OSBPL3: variants seen among roughly 807,000 people sequenced by gnomAD.
OSBPL3 encodes the protein oxysterol-binding protein-related protein 3.
Under a neutral mutation model 120.1 loss-of-function variants are expected in OSBPL3, and 65 were observed. The observed-to-expected ratio is 0.54, with a 90% CI of 0.44 to 0.67. The LOEUF (loss-of-function observed/expected upper bound fraction) is 0.67. Among genes scored for constraint, OSBPL3 ranks in the 30% least tolerant of loss-of-function variants. OSBPL3 has a pLI of 0.00. For synonymous variants in OSBPL3, 416 were observed against 402.6 expected (o/e 1.03, Z -0.40); for missense variants, 1,004 against 1,082.1 (o/e 0.93, Z 1.01).
In OSBPL3 at chr7:24,820,361, T is replaced by C; in HGVS notation, c.1885-123A>G. The C allele has an allele frequency of 3.0e-6, 2 of 672,902 alleles. No individual in the cohort carries two copies. The highest frequency in any genetic ancestry group is 3.5e-5 in the South Asian group (2 of 57,092). The allele number at this position is 672,902 out of a possible 1,614,324, so 41.7% of individuals were successfully genotyped here. A position where few individuals can be genotyped will look rare whatever the true frequency, so the allele number is the denominator to read the frequency against. On this transcript the variant is annotated intron_variant, in intron 16 of 22. Transcript: ENST00000313367. This position sits in a 1 kb window ranked among gnomAD's most constrained non-coding sequence, Gnocchi z 4.6. ...AATGCTGAACTGAAGGAAAAACTTC[T>C]TTAGTTTCCCTCATCAAGTGTGTCC...
intron 19 of OSBPL3, among the ~76,000 whole-genome samples, chr7:24,814,113 T>C (rs1794175957): frequency 6.6e-6 from 1 of 151,460 alleles, no homozygotes; most frequent in Non-Finnish European, 1.5e-5. Context: ...CTGAAGAAAA[T>C]GGGACAGGAT....
chr7:24,840,788 G>A lies in OSBPL3; in HGVS notation c.1402-5C>T, dbSNP rs755862115. 2 of 1,284,350 alleles carry A rather than the reference G, an allele frequency of 1.6e-6. No homozygotes were observed. Among genetic ancestry groups the A allele is most frequent in the South Asian group, 1.3e-5 (1 of 75,104 alleles). 79.6% of individuals were successfully genotyped at this position (1,284,350 alleles called of 1,614,324 possible). The stretch of plus-strand genomic sequence containing the variant: ...ATATGAGTCATCATCAGAAATCTAT[G>A]GGAAAGAAGAAATAACATTCATTAG... On this transcript the variant is annotated splice_region_variant and splice_polypyrimidine_tract_variant and intron_variant, in intron 13 of 22. Coordinates refer to ENST00000313367, the MANE Select transcript of OSBPL3 (RefSeq NM_015550.4).
At chr7:24,927,239 G>A (rs1000706848) in intron 1 of OSBPL3, among the ~76,000 whole-genome samples, 7 of 152,162 alleles carry the variant, frequency 4.6e-5, no homozygotes, top group Non-Finnish European at 8.8e-5. Context: ...TGACAAAAAC[G>A]AAGATATATT....
intron 20 of OSBPL3, among the ~76,000 whole-genome samples, chr7:24,807,496 A>AAATAATAATAAT (rs147177707): frequency 5.3e-5 from 8 of 150,884 alleles, no homozygotes; most frequent in African/African-American, 2.0e-4. Flanking sequence ...TCCATCTCAA[A>AAATAATAATAAT]AATAATAATA....
Position 24,834,608 on chromosome 7 carries a change from T to C in OSBPL3, c.1624A>G (p.Lys542Glu). The C allele has an allele frequency of 1.2e-6, 2 of 1,614,194 alleles. No individual in the cohort carries two copies. Among genetic ancestry groups the C allele is most frequent in the Non-Finnish European group, 8.5e-7 (1 of 1,180,030 alleles). ...TTCAGCTCCACCGGCATGGCCACCT[T>C]GGACAGGTCCTTCCCGATGTTGTTC... is the stretch of plus-strand genomic sequence containing the variant. The part of the protein sequence containing the change: ...LRNNIGKDLS[K>E]VAMPVELNEP... The change falls in exon 15 of 23, where the codon AAG (lysine) becomes GAG (glutamate). Residue 542 changes from lysine (K) to glutamate (E), a missense_variant. Transcript: ENST00000313367. This position sits in a 1 kb window ranked among gnomAD's most constrained non-coding sequence, Gnocchi z 5.2.
chr7:24,856,567 C>T (rs575615417), intron 10 of OSBPL3, among the ~76,000 whole-genome samples: 3 of 152,254 alleles, frequency 2.0e-5, no homozygotes, highest in African/African-American at 7.2e-5. Flanking sequence ...TAAGGCCAGC[C>T]TGAAGTTAAA....
rs1806823937 is a variant in OSBPL3 at position 24,900,456 on chromosome 7, T to G, written c.-149-7835A>C. On this transcript the variant is annotated intron_variant, in intron 1 of 22. Transcript: ENST00000313367. This position sits in a 1 kb window ranked among gnomAD's most constrained non-coding sequence, Gnocchi z 4.5. Reference sequence around the variant, plus strand: ...TATCGTTTCACTTGAAGTCACAGTTTCCAAGAACTTATCAATGAAGATACA... The same window carrying G: ...TATCGTTTCACTTGAAGTCACAGTTGCCAAGAACTTATCAATGAAGATACA... Among the ~76,000 whole-genome samples, 1 of 152,184 alleles carries G rather than the reference T, an allele frequency of 6.6e-6. No individual in the cohort carries two copies. The highest frequency in any genetic ancestry group is 1.5e-5 in the Non-Finnish European group (1 of 68,034).
intron 5 of OSBPL3, among the ~76,000 whole-genome samples, chr7:24,868,310 C>G (rs910591013): frequency 1.4e-5 from 2 of 146,908 alleles, no homozygotes; most frequent in African/African-American, 2.5e-5. Flanking sequence ...GAGCAAGACT[C>G]CGTCTCAAAA....
intron 1 of OSBPL3, among the ~76,000 whole-genome samples, chr7:24,893,031 C>G (rs994123874): frequency 1.3e-5 from 2 of 152,174 alleles, no homozygotes; most frequent in Non-Finnish European, 2.9e-5. Flanking sequence ...TGTAAAATGG[C>G]ATAGCCGTGG....
chr7:24,925,432 C>A (rs1005409835), intron 1 of OSBPL3, among the ~76,000 whole-genome samples: 1 of 152,172 alleles, frequency 6.6e-6, no homozygotes, highest in Admixed American at 6.5e-5. Context: ...CTCAAAGACC[C>A]AATACAGTTT....
chr7:24,920,372 G>A (rs1037094263), intron 1 of OSBPL3, among the ~76,000 whole-genome samples: 5 of 152,148 alleles, frequency 3.3e-5, no homozygotes, highest in Admixed American at 2.0e-4. Flanking sequence ...ACTAAGTGAA[G>A]GAGGACAGAT....
At position 24,872,942 on chromosome 7, in the gene OSBPL3, A is replaced by G. The variant is rs1241300309; in HGVS notation, c.97-873T>C. Reference sequence around the variant, plus strand: ...TCAGTGACTGGGAGAATTTATTTTTATTATTATTTTTACATTTTTATTGGG... The same window carrying G: ...TCAGTGACTGGGAGAATTTATTTTTGTTATTATTTTTACATTTTTATTGGG... On this transcript the variant is annotated intron_variant, in intron 2 of 22. Coordinates refer to ENST00000313367, the MANE Select transcript of OSBPL3 (RefSeq NM_015550.4). This position sits in a 1 kb window ranked among gnomAD's most constrained non-coding sequence, Gnocchi z 4.1. 1.3e-5 allele frequency among the ~76,000 whole-genome samples: 2 copies of G among 152,200 alleles called. No homozygotes were observed. Among genetic ancestry groups the G allele is most frequent in the African/African-American group, 4.8e-5 (2 of 41,448 alleles).
chr7:24,949,654 C>T (rs1213728246), intron 1 of OSBPL3, among the ~76,000 whole-genome samples: 1 of 152,096 alleles, frequency 6.6e-6, no homozygotes, highest in African/African-American at 2.4e-5. Flanking sequence ...TCTCTTTTGT[C>T]CCCAGAGCCT....
chr7:24,847,945 C>T (rs999914493), intron 12 of OSBPL3, among the ~76,000 whole-genome samples: 7 of 152,168 alleles, frequency 4.6e-5, no homozygotes, highest in African/African-American at 1.4e-4. Context: ...TTGTGGGTAG[C>T]GCTTCTATAA....
At chr7:24,828,884 C>T (rs1796049573) in intron 16 of OSBPL3, among the ~76,000 whole-genome samples, 1 of 152,072 alleles carries the variant, frequency 6.6e-6, no homozygotes, top group Non-Finnish European at 1.5e-5. Flanking sequence ...ACACCCAGCA[C>T]ATTCTAAACT....
chr7:24,974,210 G>C (rs1160980972), intron 1 of OSBPL3, among the ~76,000 whole-genome samples: 1 of 152,138 alleles, frequency 6.6e-6, no homozygotes, highest in Non-Finnish European at 1.5e-5. Context: ...TCATCACCCA[G>C]TTTCAACGAT....
intron 4 of OSBPL3, 80 bp from the exon 5 acceptor site, chr7:24,870,925 C>A: frequency 2.3e-6 from 2 of 868,926 alleles, no homozygotes; most frequent in East Asian, 2.4e-5. Flanking sequence ...CCTTCCACAT[C>A]CCCTGATAGT....
At position 24,955,214 on chromosome 7, in the gene OSBPL3, A is replaced by C. The variant is rs1276288293; in HGVS notation, c.-150+24672T>G. On this transcript the variant is annotated intron_variant, in intron 1 of 22. Coordinates refer to ENST00000313367, the MANE Select transcript of OSBPL3 (RefSeq NM_015550.4). This position sits in a 1 kb window ranked among gnomAD's most constrained non-coding sequence, Gnocchi z 4.3. ...GAATTAATAAAGTTATAGTTCAATC[A>C]TTCATGAATTTGCTGAAAGCCAGTA... Among the ~76,000 whole-genome samples the C allele has an allele frequency of 1.3e-5, 2 of 152,248 alleles. No individual in the cohort carries two copies. Among genetic ancestry groups the C allele is most frequent in the African/African-American group, 2.4e-5 (1 of 41,464 alleles).
chr7:24,949,161 C>T (rs1444502596), intron 1 of OSBPL3, among the ~76,000 whole-genome samples: 2 of 152,156 alleles, frequency 1.3e-5, no homozygotes, highest in African/African-American at 2.4e-5. Context: ...TTCACGTTAA[C>T]AGAACCACAT....
Sources: allele counts gnomAD v4.1 joint callset (sites outside exome capture counted in the v4.1 genomes callset), GRCh38; gene constraint gnomAD v4.1.1; non-coding constraint Gnocchi (gnomAD v3.1); transcripts MANE v1.5; gene names NCBI Gene and HGNC (gene_info 2026-07-23, HGNC 2026-07-21).